GFPT2: variants seen among roughly 807,000 people sequenced by gnomAD.
The protein encoded by GFPT2 is glutamine--fructose-6-phosphate transaminase 2, also known as glutamine--fructose-6-phosphate aminotransferase [isomerizing] 2.
A neutral mutation model predicts 85.6 loss-of-function variants in GFPT2; 62 were observed. The ratio of observed to expected loss-of-function variants is 0.72; its 90% CI spans 0.59 to 0.90. The LOEUF is 0.90. GFPT2 is among the 40% of genes least tolerant of loss of function. The pLI is 0.00. For synonymous variants in GFPT2, 368 were observed against 344.5 expected (o/e 1.07, Z -0.75); for missense variants, 788 against 893.4 (o/e 0.88, Z 1.50).
intron 15 of GFPT2, among the ~76,000 whole-genome samples, chr5:180,308,804 G>C (rs540234390): frequency 8.6e-5 from 13 of 151,916 alleles, no homozygotes; most frequent in Admixed American, 3.3e-4. Context: ...TCTTAAAATG[G>C]ACACTTTTAT....
chr5:180,316,731 G>A (rs2303008), intron 12 of GFPT2, 33 bp downstream of exon 12: 301,155 of 1,481,360 alleles, frequency 0.2, 31,786 homozygotes, highest in East Asian at 0.34. Flanking sequence ...CTAGACTGCC[G>A]TCGACTTCCC....
At chr5:180,302,637 C>G in intron 17 of GFPT2, 53 bp from the exon 18 acceptor site, 1 of 1,401,588 alleles carries the variant, frequency 7.1e-7, no homozygotes, top group Non-Finnish European at 1.0e-6. Flanking sequence ...AGAAGCTATC[C>G]CTGATGCATA....
chr5:180,303,221 C>T (rs138038547), intron 17 of GFPT2, among the ~76,000 whole-genome samples: 1,949 of 130,802 alleles, frequency 0.015, 52 homozygotes, highest in East Asian at 0.11. Flanking sequence ...CAGAGCCAGA[C>T]TCCGTCACAA....
rs556853754 is a variant in GFPT2 at position 180,349,784 on chromosome 5, C to T, written c.7+3427G>A. ...CATTTGTTACAGCAGCCAGTGGAGA[C>T]GAACACACCAACCAGGACAAAAGAC... On this transcript the variant is annotated intron_variant, in intron 1 of 18. Coordinates refer to ENST00000253778, the MANE Select transcript of GFPT2 (RefSeq NM_005110.4). Among the ~76,000 whole-genome samples, 16 of 152,008 alleles carry T rather than the reference C, an allele frequency of 1.1e-4. No individual in the cohort carries two copies. The South Asian group carries it at 1.5e-3, about 14-fold the overall frequency.
At position 180,313,899 on chromosome 5, in the gene GFPT2, C is replaced by T. The variant is rs1012796939; in HGVS notation, c.1339G>A (p.Val447Ile). ...ATGGAGCTGCCCACGGTGTTGGTGA[C>T]GCCCACGGTGAGAGCGCCGCGGTCC... ...CKDRGALTVGVTNTVGSSISR... is the reference protein window; with the variant it reads ...CKDRGALTVGITNTVGSSISR... The change falls in exon 14 of 19, where the codon GTC becomes ATC. Residue 447 changes from valine to isoleucine, a missense_variant. By Grantham distance (29) the Val-to-Ile change is conservative. Coordinates refer to ENST00000253778, the MANE Select transcript of GFPT2 (RefSeq NM_005110.4). The T allele has an allele frequency of 1.3e-5, 21 of 1,606,666 alleles. No homozygotes were observed. In the Admixed American group the frequency reaches 2.2e-4, roughly 17 times the overall value.
rs776625711 is a variant in GFPT2, at chr5:180,330,501, G to A, written c.534+199C>T. Among the ~76,000 whole-genome samples the A allele has an allele frequency of 2.0e-5, 3 of 152,032 alleles. No homozygotes were observed. The highest frequency in any genetic ancestry group is 2.9e-5 in the Non-Finnish European group (2 of 68,008). On this transcript the variant is annotated intron_variant, in intron 6 of 18. Coordinates refer to ENST00000253778, the MANE Select transcript of GFPT2 (RefSeq NM_005110.4). This position sits in a 1 kb window ranked among gnomAD's most constrained non-coding sequence, Gnocchi z 4.4. ...ATGTTGACTACCCAAACCACAGAAC[G>A]TCTTCCAGTTCTACAAGAGTGTAAC...
In GFPT2 at chr5:180,317,051, G is replaced by T. The variant is rs955489366; in HGVS notation, c.966C>A (p.Phe322Leu). ...MELQQIMKGN[F>L]SAFMQKEIFE... The stretch of plus-strand genomic sequence containing the variant: ...AGATCTCCTTCTGCATAAACGCACT[G>T]AAGTTACCTGGTCAAATAAACGTCT... The change falls in exon 11 of 19, where the codon TTC (phenylalanine) becomes TTA (leucine). Residue 322 changes from phenylalanine (F) to leucine (L), a missense_variant. Coordinates refer to ENST00000253778, the MANE Select transcript of GFPT2 (RefSeq NM_005110.4). 6.3e-7 allele frequency: 1 copy of T among 1,587,334 alleles called. No individual in the cohort carries two copies. Among genetic ancestry groups the T allele is most frequent in the Non-Finnish European group, 8.7e-7 (1 of 1,155,472 alleles).
chr5:180,304,867 G>C lies in GFPT2; in HGVS notation c.1747C>G (p.Leu583Val). The change falls in exon 17 of 19, where the codon CTG (leucine) becomes GTG (valine). Residue 583 changes from leucine (L) to valine (V), a missense_variant. Transcript: ENST00000253778. ...ATGACGGGCATCTGCTTGTCAATCA[G>C]TGCCAGGGGCCCGTGCTTCAGCTCC... is the stretch of plus-strand genomic sequence containing the variant. The part of the protein sequence containing the change: ...AGELKHGPLA[L>V]IDKQMPVIMV... 1 of 1,613,078 alleles carries C rather than the reference G, an allele frequency of 6.2e-7. No individual in the cohort carries two copies. Among genetic ancestry groups the C allele is most frequent in the Non-Finnish European group, 8.5e-7 (1 of 1,178,982 alleles).
intron 15 of GFPT2, among the ~76,000 whole-genome samples, chr5:180,312,204 A>G (rs28380364): frequency 0.073 from 2,334 of 32,122 alleles, 363 homozygotes; most frequent in African/African-American, 0.18. Flanking sequence ...GCGGGGAGGC[A>G]GGGAGGCAGG....
chr5:180,337,123 C>T (rs113816751), intron 2 of GFPT2, among the ~76,000 whole-genome samples: 1,574 of 152,324 alleles, frequency 0.01, 23 homozygotes, highest in African/African-American at 0.036. Flanking sequence ...AGCCACCCAG[C>T]GGAGCATTGT....
intron 1 of GFPT2, chr5:180,352,708 G>C (rs1369718580): frequency 2.4e-6 from 1 of 415,288 alleles, no homozygotes; most frequent in South Asian, 1.6e-5. Context: ...TGACGCAGCG[G>C]GGGCGACCGG....
chr5:180,311,784 C>T (rs1365257670), intron 15 of GFPT2, among the ~76,000 whole-genome samples: 3 of 152,034 alleles, frequency 2.0e-5, no homozygotes, highest in Non-Finnish European at 4.4e-5. Context: ...GTGCTGGCGT[C>T]GGGGCCTCTG....
chr5:180,315,536 A>T (rs1373450035), intron 13 of GFPT2, among the ~76,000 whole-genome samples: 2 of 152,144 alleles, frequency 1.3e-5, no homozygotes, highest in Non-Finnish European at 2.9e-5. Flanking sequence ...TATATGGATG[A>T]ATATCATGAT....
intron 1 of GFPT2, among the ~76,000 whole-genome samples, chr5:180,344,706 A>C (rs1002142077): frequency 3.9e-5 from 6 of 152,122 alleles, no homozygotes; most frequent in Non-Finnish European, 7.4e-5. Flanking sequence ...CCCTCCTGGC[A>C]TGTCCGAAGC....
chr5:180,313,470 G>A (rs1360104981), intron 14 of GFPT2, among the ~76,000 whole-genome samples: 8 of 149,172 alleles, frequency 5.4e-5, no homozygotes, highest in Non-Finnish European at 1.2e-4. Context: ...GGTGCCTGTA[G>A]TCCCAGCTAC....
chr5:180,352,821 C>T (rs547456462), intron 1 of GFPT2: 3 of 330,422 alleles, frequency 9.1e-6, no homozygotes, highest in South Asian at 7.8e-5. Flanking sequence ...CGCCGGCCTG[C>T]GCGTGGCCGC....
intron 1 of GFPT2, among the ~76,000 whole-genome samples, chr5:180,351,058 T>C (rs191374784): frequency 6.6e-6 from 1 of 152,368 alleles, no homozygotes; most frequent in African/African-American, 2.4e-5. Flanking sequence ...TGCAGTATCC[T>C]TGTACTAATA....
In GFPT2 at chr5:180,320,267, C is replaced by T. The variant is rs566410353; in HGVS notation, c.795-1311G>A. On this transcript the variant is annotated intron_variant, in intron 9 of 18. Coordinates refer to ENST00000253778, the MANE Select transcript of GFPT2 (RefSeq NM_005110.4). ...TCGGCCTCCCAAAGTGCTGGGATTA[C>T]AGGTGTGAGCCACCGTGCCCAGCCC... 2.1e-3 allele frequency among the ~76,000 whole-genome samples: 319 copies of T among 152,216 alleles called. 2 individuals are homozygous for T. Among genetic ancestry groups the T allele is most frequent in the African/African-American group, 7.2e-3 (299 of 41,564 alleles).
Position 180,324,322 on chromosome 5 carries a change from T to G in GFPT2, c.677-17A>C, listed in dbSNP as rs1226574515. The G allele has an allele frequency of 7.3e-7, 1 of 1,367,430 alleles. No individual in the cohort carries two copies. The highest frequency in any genetic ancestry group is 1.0e-6 in the Non-Finnish European group (1 of 965,202). 84.7% of individuals were successfully genotyped at this position (1,367,430 alleles called of 1,614,324 possible). A position where few individuals can be genotyped will look rare whatever the true frequency, so the allele number is the denominator to read the frequency against. On this transcript the variant is annotated splice_polypyrimidine_tract_variant and intron_variant, in intron 8 of 18. Coordinates refer to ENST00000253778, the MANE Select transcript of GFPT2 (RefSeq NM_005110.4). ...CCAGAGTGCCTAGCAAATGGAGGAA[T>G]GGGTTGCAAATCCCACTGGGATGTT...
Sources: gnomAD v4.1 joint callset for allele counts (sites outside exome capture counted in the v4.1 genomes callset) on GRCh38, gnomAD v4.1.1 for gene constraint, Gnocchi (gnomAD v3.1) non-coding constraint, MANE v1.5 for transcripts, NCBI Gene and HGNC (gene_info 2026-07-23, HGNC 2026-07-21) for gene names.